PCNX2: variants seen among roughly 807,000 people sequenced by gnomAD.
The protein encoded by PCNX2 is pecanex 2, also known as pecanex-like protein 2.
Under a neutral mutation model 223.8 loss-of-function variants are expected in PCNX2, and 168 were observed. That is an observed-to-expected ratio of 0.75 (90% confidence interval 0.66 to 0.85). The LOEUF is 0.85. Among genes scored for constraint, PCNX2 ranks in the 40% least tolerant of loss-of-function variants. PCNX2 has a pLI of 0.00. For synonymous variants in PCNX2, 1,006 were observed against 1,052.6 expected, an observed-to-expected ratio of 0.96 and a Z score of 0.86; for missense variants, 2,507 against 2,675.5, an observed-to-expected ratio of 0.94 and a Z score of 1.39.
intron 25 of PCNX2, among the ~76,000 whole-genome samples, chr1:233,027,099 A>T (rs1201705295): frequency 7.3e-6 from 1 of 137,036 alleles, no homozygotes; most frequent in African/African-American, 3.2e-5. Flanking sequence ...CAGAAATGGC[A>T]AGTGAGTTAG....
chr1:232,984,717 C>T, intron 33 of PCNX2: 1 of 473,492 alleles, frequency 2.1e-6, no homozygotes, highest in Non-Finnish European at 3.8e-6. Context: ...TTCTGGATGA[C>T]TGCGCTGGAA....
intron 8 of PCNX2, chr1:233,250,467 G>T: frequency 2.5e-6 from 2 of 788,310 alleles, no homozygotes; most frequent in Non-Finnish European, 3.1e-6. Flanking sequence ...TTCTTGAAGA[G>T]AACATTATTA....
intron 27 of PCNX2, 60 bp downstream of exon 27, chr1:233,016,861 C>G (rs1670682753): frequency 6.4e-7 from 1 of 1,569,476 alleles, no homozygotes; most frequent in African/African-American, 1.3e-5. Flanking sequence ...ATGGACATGA[C>G]AATGTTCTTT....
rs1662044916 is a variant in PCNX2, at chr1:233,295,596, C to CCGCCGT, written c.-124_-119dup. ...GCGGGCCGCGCCCCCGCCGTCGCCG[C>CCGCCGT]CGCCGTCGCCCCCGCCGCCTCCTTC... On this transcript the variant is annotated 5_prime_UTR_variant, in exon 1 of 34. Coordinates refer to ENST00000258229, the MANE Select transcript of PCNX2 (RefSeq NM_014801.4). The surrounding 1 kb of genome is among the most constrained non-coding windows in gnomAD (Gnocchi z 4.1). 1.8e-6 allele frequency: 2 copies of CCGCCGT among 1,101,270 alleles called. No individual in the cohort carries two copies. Among genetic ancestry groups the CCGCCGT allele is most frequent in the African/African-American group, 1.7e-5 (1 of 60,536 alleles). The allele number at this position is 1,101,270 out of a possible 1,614,324, so 68.2% of individuals were successfully genotyped here.
At chr1:233,324,862 T>G in the PCNX2 span, among the ~76,000 whole-genome samples, 1 of 152,070 alleles carries the variant, frequency 6.6e-6, no homozygotes, top group African/African-American at 2.4e-5. Context: ...GTGCTGGGAT[T>G]ACAGGTGTGA....
At position 233,259,522 on chromosome 1, in the gene PCNX2, G is replaced by GTACCATGGTACAT. The variant is rs1349009582; in HGVS notation, c.518-179_518-178insATGTACCATGGTA. On this transcript the variant is annotated intron_variant, in intron 4 of 33. Coordinates refer to ENST00000258229, the MANE Select transcript of PCNX2 (RefSeq NM_014801.4). ...TGCAGAACATGCAGGTTTGTTACAC[G>GTACCATGGTACAT]GGTATACATGTACCATGGTGGTTTG... Among the ~76,000 whole-genome samples the GTACCATGGTACAT allele has an allele frequency of 7.9e-5, 12 of 152,006 alleles. No individual in the cohort carries two copies. The South Asian group carries it at 2.1e-3, about 26-fold the overall frequency.
chr1:233,062,901 C>T (rs1021902756), intron 23 of PCNX2, among the ~76,000 whole-genome samples: 2 of 151,978 alleles, frequency 1.3e-5, no homozygotes, highest in South Asian at 4.1e-4. Context: ...TAGGTAATCC[C>T]CTACAAAGCT....
the PCNX2 span, among the ~76,000 whole-genome samples, chr1:233,322,759 C>A: frequency 6.6e-6 from 1 of 152,050 alleles, no homozygotes; most frequent in Non-Finnish European, 1.5e-5. Flanking sequence ...TCAAAGGCAC[C>A]CCCACCCTGC....
chr1:233,192,493 T>C (rs1168339185), intron 15 of PCNX2, among the ~76,000 whole-genome samples: 1 of 152,134 alleles, frequency 6.6e-6, no homozygotes, highest in Non-Finnish European at 1.5e-5. Flanking sequence ...TGCTAGGTTA[T>C]CAAAGACATA....
chr1:233,291,243 A>G (rs1336612897), intron 1 of PCNX2: 1 of 306,888 alleles, frequency 3.3e-6, no homozygotes, highest in Admixed American at 6.5e-5. Context: ...TGAAAGTGTT[A>G]TCCCCATTTT....
chr1:233,163,281 C>T (rs1230546609), intron 17 of PCNX2, among the ~76,000 whole-genome samples: 2 of 151,904 alleles, frequency 1.3e-5, no homozygotes, highest in African/African-American at 4.8e-5. Context: ...AGGTCAGGAG[C>T]TCAAGACCAG....
chr1:233,005,932 G>A (rs929505054), intron 28 of PCNX2, among the ~76,000 whole-genome samples: 11 of 152,166 alleles, frequency 7.2e-5, no homozygotes, highest in African/African-American at 1.4e-4. Context: ...CCACTCGCAC[G>A]CCTGTGGAGG....
chr1:233,112,897 T>C (rs1208577791), intron 21 of PCNX2: 2 of 1,288,484 alleles, frequency 1.6e-6, no homozygotes, highest in Non-Finnish European at 2.0e-6. Flanking sequence ...GCCCCTCCCA[T>C]GAGATGAACT....
At chr1:233,299,780 T>G (rs1458080322), upstream of PCNX2, among the ~76,000 whole-genome samples, 1 of 152,248 alleles carries the variant, frequency 6.6e-6, no homozygotes, top group Non-Finnish European at 1.5e-5. Flanking sequence ...TAAACCCGCC[T>G]GGAAGTTATA....
chr1:233,164,768 T>C (rs534704087), intron 17 of PCNX2, among the ~76,000 whole-genome samples: 1 of 151,990 alleles, frequency 6.6e-6, no homozygotes, highest in East Asian at 1.9e-4. Flanking sequence ...TTAAGTGAAA[T>C]AAGACAGGCA....
At chr1:233,275,051 G>C (rs1382319106) in intron 1 of PCNX2, among the ~76,000 whole-genome samples, 1 of 152,148 alleles carries the variant, frequency 6.6e-6, no homozygotes, top group Non-Finnish European at 1.5e-5. Context: ...AACATATACT[G>C]ATTTTTCTAT....
chr1:233,309,169 A>G, the PCNX2 span, among the ~76,000 whole-genome samples: 1 of 152,256 alleles, frequency 6.6e-6, no homozygotes, highest in Admixed American at 6.5e-5. Flanking sequence ...TTCATAAGGA[A>G]AGAAATTCAC....
At chr1:233,308,274 T>C in the PCNX2 span, among the ~76,000 whole-genome samples, 3 of 152,094 alleles carry the variant, frequency 2.0e-5, no homozygotes, top group East Asian at 5.8e-4. Flanking sequence ...CTGGCCAACA[T>C]GACAAAATCC....
chr1:233,056,930 G>A (rs984289426), intron 24 of PCNX2, among the ~76,000 whole-genome samples: 2 of 151,930 alleles, frequency 1.3e-5, no homozygotes, highest in African/African-American at 4.8e-5. Flanking sequence ...CCTAAAAGAC[G>A]AATCTCAAGG....
Sources: allele counts gnomAD v4.1 joint callset (sites outside exome capture counted in the v4.1 genomes callset), GRCh38; gene constraint gnomAD v4.1.1; non-coding constraint Gnocchi (gnomAD v3.1); transcripts MANE v1.5; gene names NCBI Gene and HGNC (gene_info 2026-07-23, HGNC 2026-07-21).